The following MORC1 variants were observed in gnomAD, a reference collection of about 807,000 sequenced individuals.
MORC1 encodes the protein MORC family CW-type zinc finger 1.
MORC1 carries 59 observed loss-of-function variants against 134.9 expected under a neutral mutation model. The observed-to-expected ratio is 0.44, with a 90% CI of 0.35 to 0.54. MORC1 has a LOEUF of 0.54. MORC1 is among the 20% of genes least tolerant of loss of function. The pLI is 0.00. For missense variants in MORC1, 947 were observed against 1,134.5 expected, an observed-to-expected ratio of 0.83 and a Z score of 2.37; for synonymous variants, 395 against 391.7, an observed-to-expected ratio of 1.01 and a Z score of -0.10.
intron 24 of MORC1, among the ~76,000 whole-genome samples, chr3:108,976,261 C>T (rs1007395040): frequency 6.6e-6 from 1 of 152,098 alleles, no homozygotes. Context: ...TCCAAAGTGA[C>T]CCAAATGGAG....
intron 24 of MORC1, among the ~76,000 whole-genome samples, chr3:108,976,736 C>T (rs114778276): frequency 7.9e-5 from 12 of 152,172 alleles, no homozygotes; most frequent in South Asian, 2.1e-4. Context: ...GATATATTAA[C>T]GCATTCAGCT....
At chr3:109,001,339 C>G (rs1397851169) in intron 20 of MORC1, among the ~76,000 whole-genome samples, 1 of 152,122 alleles carries the variant, frequency 6.6e-6, no homozygotes, top group East Asian at 1.9e-4. Context: ...AATCTGTCAC[C>G]ATTTCTTCAT....
rs1014390327 is a variant in MORC1, at chr3:109,114,317, C to T, written c.119+67G>A. On this transcript the variant is annotated intron_variant, in intron 2 of 27. Coordinates refer to ENST00000232603, the MANE Select transcript of MORC1 (RefSeq NM_014429.4). ...ATATGACATGATCTTTTTATCTTCC[C>T]ATGTAATTAGACAAGAGTTATGTCA... 8 of 1,329,822 alleles carry T rather than the reference C, an allele frequency of 6.0e-6. No homozygotes were observed. In the African/African-American group the frequency reaches 1.2e-4, roughly 20 times the overall value. The allele number at this position is 1,329,822 out of a possible 1,614,324, so 82.4% of individuals were successfully genotyped here.
At chr3:108,969,797 A>G in intron 25 of MORC1, 75 bp from the exon 26 acceptor site, 1 of 1,397,472 alleles carries the variant, frequency 7.2e-7, no homozygotes. Flanking sequence ...GTTATATCAC[A>G]CAAGCATTGA....
At chr3:109,007,345 G>A (rs1448016559) in intron 17 of MORC1, among the ~76,000 whole-genome samples, 1 of 152,172 alleles carries the variant, frequency 6.6e-6, no homozygotes, top group Non-Finnish European at 1.5e-5. Flanking sequence ...ACAAGGCACT[G>A]CTCTGTTGAA....
At chr3:109,021,118 G>A (rs9850121) in intron 17 of MORC1, among the ~76,000 whole-genome samples, 38,210 of 151,992 alleles carry the variant, frequency 0.25, 5,015 homozygotes, top group Middle Eastern at 0.43. Flanking sequence ...AGCCTGCTGC[G>A]GAAGGAAGCC....
At chr3:109,097,462 G>C (rs992347060) in intron 6 of MORC1, among the ~76,000 whole-genome samples, 1 of 152,182 alleles carries the variant, frequency 6.6e-6, no homozygotes, top group East Asian at 1.9e-4. Context: ...ACCAAGGAGA[G>C]AGAGCAAGCT....
chr3:109,101,729 A>T (rs1950929620), intron 4 of MORC1, among the ~76,000 whole-genome samples: 1 of 152,248 alleles, frequency 6.6e-6, no homozygotes, highest in Non-Finnish European at 1.5e-5. Flanking sequence ...TTACATGCAC[A>T]GCTTATTTAA....
At chr3:109,101,208 G>A (rs1950919587) in intron 4 of MORC1, among the ~76,000 whole-genome samples, 1 of 152,172 alleles carries the variant, frequency 6.6e-6, no homozygotes, top group Non-Finnish European at 1.5e-5. Context: ...CTTGGTGGGT[G>A]TTACCAAATT....
At chr3:109,089,923 T>C (rs1950683735) in intron 8 of MORC1, among the ~76,000 whole-genome samples, 1 of 152,136 alleles carries the variant, frequency 6.6e-6, no homozygotes. Flanking sequence ...CATATAAATT[T>C]AAGATAATTT....
chr3:109,076,890 T>A (rs1374698971), intron 8 of MORC1, among the ~76,000 whole-genome samples: 1 of 150,838 alleles, frequency 6.6e-6, no homozygotes, highest in Non-Finnish European at 1.5e-5. Context: ...GACAGGTTGA[T>A]GGGTGCAGCA....
At chr3:108,996,286 G>GCGCGCACGCACACACACACACACA in intron 21 of MORC1, among the ~76,000 whole-genome samples, 1 of 146,382 alleles carries the variant, frequency 6.8e-6, no homozygotes, top group Non-Finnish European at 1.5e-5. Context: ...GCGCGCGCGC[G>GCGCGCACGCACACACACACACACA]CACACACACA....
rs555844855 is a variant in MORC1, at chr3:109,097,093, T to G, written c.424-2025A>C. Among the ~76,000 whole-genome samples the G allele has an allele frequency of 3.9e-5, 6 of 152,240 alleles. No homozygotes were observed. In the East Asian group the frequency reaches 1.2e-3, roughly 29 times the overall value. ...AAGACCCAGCAAGTGACCAGCACAATGGGTGTAAATAGACCACGCAAAGGC... is the reference window on the plus strand; with the variant it reads ...AAGACCCAGCAAGTGACCAGCACAAGGGGTGTAAATAGACCACGCAAAGGC... On this transcript the variant is annotated intron_variant, in intron 6 of 27. Coordinates refer to ENST00000232603, the MANE Select transcript of MORC1 (RefSeq NM_014429.4).
intron 8 of MORC1, among the ~76,000 whole-genome samples, chr3:109,075,385 A>G (rs1950398574): frequency 6.6e-6 from 1 of 152,168 alleles, no homozygotes; most frequent in Non-Finnish European, 1.5e-5. Context: ...GCCCATGCCT[A>G]CGTCCTGAAT....
chr3:108,964,552 T>C (rs923168754), intron 26 of MORC1, among the ~76,000 whole-genome samples: 5 of 152,152 alleles, frequency 3.3e-5, no homozygotes, highest in African/African-American at 7.2e-5. Flanking sequence ...TTCGCTGACC[T>C]CACGAGTTTC....
intron 20 of MORC1, among the ~76,000 whole-genome samples, chr3:109,001,391 C>G (rs1006255659): frequency 2.6e-5 from 4 of 152,220 alleles, no homozygotes; most frequent in Non-Finnish European, 5.9e-5. Flanking sequence ...ATGGCAAAAA[C>G]AGCAATTACT....
At chr3:109,001,454 T>C (rs1209898791) in intron 20 of MORC1, among the ~76,000 whole-genome samples, 36 of 152,228 alleles carry the variant, frequency 2.4e-4, no homozygotes, top group Non-Finnish European at 1.5e-5. Context: ...ACAACAAAAA[T>C]ACTCCTGAGA....
At chr3:108,978,745 A>G (rs1320620823) in intron 24 of MORC1, among the ~76,000 whole-genome samples, 1 of 152,186 alleles carries the variant, frequency 6.6e-6, no homozygotes, top group Non-Finnish European at 1.5e-5. Context: ...TCAAGTAGCT[A>G]TCCTAAGGAA....
chr3:109,058,344 T>C (rs1950008106), intron 12 of MORC1, among the ~76,000 whole-genome samples: 1 of 152,118 alleles, frequency 6.6e-6, no homozygotes, highest in Non-Finnish European at 1.5e-5. Context: ...ATGTTAAATA[T>C]AAGCCTGGAA....
Sources: gnomAD v4.1 joint callset for allele counts (sites outside exome capture counted in the v4.1 genomes callset) on GRCh38, gnomAD v4.1.1 for gene constraint, MANE v1.5 for transcripts, NCBI Gene and HGNC (gene_info 2026-07-23, HGNC 2026-07-21) for gene names.